CAPZA2: variants seen among roughly 807,000 people sequenced by gnomAD.
CAPZA2 encodes capping actin protein of muscle Z-line subunit alpha 2.
A neutral mutation model predicts 44.0 loss-of-function variants in CAPZA2; 13 were observed. The observed-to-expected ratio is 0.30, with a 90% CI of 0.19 to 0.47. The LOEUF (loss-of-function observed/expected upper bound fraction) is 0.47, where lower values mean the gene tolerates loss of function less well. CAPZA2 is among the 20% of genes least tolerant of loss of function. The probability of loss-of-function intolerance (pLI) is 1.00; values close to 1 mark genes in which losing one functional copy is unlikely to be tolerated. For synonymous variants in CAPZA2, 94 were observed against 108.2 expected, an observed-to-expected ratio of 0.87 and a Z score of 0.81; for missense variants, 244 against 338.6, an observed-to-expected ratio of 0.72 and a Z score of 2.19.
At position 116,910,240 on chromosome 7, in the gene CAPZA2, C is replaced by T. The variant is rs1791572819; in HGVS notation, c.514C>T (p.Arg172Cys). The T allele has an allele frequency of 3.2e-6, 5 of 1,570,776 alleles. No individual in the cohort carries two copies. The highest frequency in any genetic ancestry group is 3.5e-6 in the Non-Finnish European group (4 of 1,140,816). ...GCTGTTTTTATTTTTAAGGAATGGTCGTTGGAGGTCAGAATGGAAGTTTAC... is the reference window on the plus strand; with the variant it reads ...GCTGTTTTTATTTTTAAGGAATGGTTGTTGGAGGTCAGAATGGAAGTTTAC... ...QFQAKNFWNGRWRSEWKFTIT... is the reference protein window; with the variant it reads ...QFQAKNFWNGCWRSEWKFTIT... Residue 172 changes from arginine (R) to cysteine (C), a missense_variant, in exon 7 of 10, where the codon CGT becomes TGT. Transcript: ENST00000361183.
At chr7:116,862,804 T>A (rs1796434179) in intron 1 of CAPZA2, among the ~76,000 whole-genome samples, 154 bp downstream of exon 1, 1 of 151,956 alleles carries the variant, frequency 6.6e-6, no homozygotes, top group Non-Finnish European at 1.5e-5. Context: ...GCCCAGTGCC[T>A]GCCCCTGTCC....
Position 116,862,611 on chromosome 7 carries a change from G to A in CAPZA2, c.-1G>A, listed in dbSNP as rs1796431320. 2 of 1,539,166 alleles carry A rather than the reference G, an allele frequency of 1.3e-6. No individual in the cohort carries two copies. Among genetic ancestry groups the A allele is most frequent in the Admixed American group, 4.0e-5 (2 of 50,362 alleles). The stretch of plus-strand genomic sequence containing the variant: ...CGCCGCGGTTTGTCGCCAGAAGGAA[G>A]ATGGCGGATCTGGAGGAGCAGTTGT... On this transcript the variant is annotated 5_prime_UTR_variant, in exon 1 of 10. Coordinates refer to ENST00000361183, the MANE Select transcript of CAPZA2 (RefSeq NM_006136.3).
chr7:116,912,539 T>C (rs1479564404), intron 8 of CAPZA2, among the ~76,000 whole-genome samples: 3 of 152,202 alleles, frequency 2.0e-5, no homozygotes, highest in African/African-American at 7.2e-5. Flanking sequence ...ACTTTCTGGC[T>C]CTGTGGATTT....
chr7:116,864,844 A>G (rs1455645908), intron 1 of CAPZA2, among the ~76,000 whole-genome samples: 3 of 152,158 alleles, frequency 2.0e-5, no homozygotes, highest in African/African-American at 7.2e-5. Context: ...GTTGTAGACC[A>G]GCCTGGTAAC....
intron 8 of CAPZA2, among the ~76,000 whole-genome samples, chr7:116,913,815 A>T (rs1019518834): frequency 8.3e-6 from 1 of 120,630 alleles, no homozygotes; most frequent in African/African-American, 3.3e-5. Flanking sequence ...GGGTTTCACC[A>T]TGTTGCCCAG....
At chr7:116,889,316 G>T (rs1796801462) in intron 2 of CAPZA2, among the ~76,000 whole-genome samples, 1 of 152,154 alleles carries the variant, frequency 6.6e-6, no homozygotes, top group African/African-American at 2.4e-5. Context: ...ACTTCACCGT[G>T]TCTTAAAAGT....
At chr7:116,892,958 A>G (rs2115932894) in intron 2 of CAPZA2, 36 bp from the exon 3 acceptor site, 1 of 1,446,226 alleles carries the variant, frequency 6.9e-7, no homozygotes, top group Non-Finnish European at 9.6e-7. Context: ...TGAAACATAT[A>G]ACAATAATAA....
At chr7:116,880,174 T>A (rs1295427650) in intron 1 of CAPZA2, 1 of 452,168 alleles carries the variant, frequency 2.2e-6, no homozygotes. Context: ...ATAGATGCCA[T>A]ATCAAAAAAG....
chr7:116,866,067 T>C (rs994674264), intron 1 of CAPZA2, among the ~76,000 whole-genome samples: 2 of 152,358 alleles, frequency 1.3e-5, no homozygotes, highest in East Asian at 3.9e-4. Context: ...TTGAGGATAC[T>C]ACTATGAAGT....
intron 4 of CAPZA2, among the ~76,000 whole-genome samples, chr7:116,902,538 A>G (rs774109253): frequency 2.0e-5 from 3 of 152,184 alleles, no homozygotes; most frequent in African/African-American, 4.8e-5. Flanking sequence ...AGTGCCTATC[A>G]TTGGTGGTAA....
intron 1 of CAPZA2, among the ~76,000 whole-genome samples, chr7:116,867,980 A>T (rs1291889672): frequency 6.6e-6 from 1 of 152,192 alleles, no homozygotes; most frequent in African/African-American, 2.4e-5. Flanking sequence ...CTTCTTCATT[A>T]AGTTGTTGTA....
intron 1 of CAPZA2, chr7:116,885,943 G>A (rs1326921849): frequency 6.5e-6 from 1 of 154,100 alleles, no homozygotes; most frequent in Admixed American, 6.5e-5. Flanking sequence ...TGGAGTGGAG[G>A]TTAGGAGGTG....
chr7:116,874,727 C>T (rs1239659628), intron 1 of CAPZA2: 1 of 152,238 alleles, frequency 6.6e-6, no homozygotes, highest in African/African-American at 2.4e-5. Flanking sequence ...TGTGCTTTTA[C>T]TTGATGGAGA....
intron 1 of CAPZA2, among the ~76,000 whole-genome samples, chr7:116,868,658 C>T (rs556353247): frequency 2.6e-5 from 4 of 152,174 alleles, no homozygotes; most frequent in African/African-American, 9.6e-5. Context: ...CGCTTGGACC[C>T]GGGAGGTGGA....
chr7:116,915,643 A>T (rs1188830765), intron 8 of CAPZA2: 10 of 139,074 alleles, frequency 7.2e-5, no homozygotes, highest in African/African-American at 2.3e-4. Flanking sequence ...CTGATTAGTG[A>T]TTTTTTTTTT....
intron 1 of CAPZA2, among the ~76,000 whole-genome samples, chr7:116,873,217 A>G (rs1420780287): frequency 2.0e-5 from 3 of 152,178 alleles, no homozygotes; most frequent in African/African-American, 7.2e-5. Context: ...TTCCCATAGT[A>G]GTGTACCTTT....
intron 1 of CAPZA2, among the ~76,000 whole-genome samples, chr7:116,865,321 G>A (rs184131540): frequency 6.6e-6 from 1 of 151,454 alleles, no homozygotes; most frequent in East Asian, 2.0e-4. Context: ...GAGTAGCTGG[G>A]ATAACTGGCA....
intron 2 of CAPZA2, among the ~76,000 whole-genome samples, chr7:116,890,597 T>C (rs577139578): frequency 0.01 from 494 of 49,288 alleles, 5 homozygotes; most frequent in African/African-American, 0.024. Flanking sequence ...TATATATATA[T>C]ACACACACAC....
intron 1 of CAPZA2, among the ~76,000 whole-genome samples, chr7:116,868,659 G>C (rs1342048596): frequency 6.6e-6 from 1 of 152,128 alleles, no homozygotes; most frequent in Non-Finnish European, 1.5e-5. Context: ...GCTTGGACCC[G>C]GGAGGTGGAT....
Sources: allele counts gnomAD v4.1 joint callset (sites outside exome capture counted in the v4.1 genomes callset), GRCh38; gene constraint gnomAD v4.1.1; transcripts MANE v1.5; gene names NCBI Gene and HGNC (gene_info 2026-07-23, HGNC 2026-07-21).